Variants in HS6ST3 observed in about 807,000 individuals in gnomAD.
HS6ST3 encodes heparan sulfate 6-O-sulfotransferase 3, also known as heparan-sulfate 6-O-sulfotransferase 3.
Under a neutral mutation model 36.7 loss-of-function variants are expected in HS6ST3, and 12 were observed. The ratio of observed to expected loss-of-function variants is 0.33; its 90% CI spans 0.21 to 0.53. The LOEUF (loss-of-function observed/expected upper bound fraction) is 0.53. HS6ST3 is among the 20% of genes least tolerant of loss of function. HS6ST3 has a pLI of 0.95. For synonymous variants in HS6ST3, 240 were observed against 257.5 expected, an observed-to-expected ratio of 0.93 and a Z score of 0.65; for missense variants, 584 against 640.9, an observed-to-expected ratio of 0.91 and a Z score of 0.96.
At chr13:96,275,070 C>T (rs900751899) in intron 1 of HS6ST3, among the ~76,000 whole-genome samples, 2 of 152,058 alleles carry the variant, frequency 1.3e-5, no homozygotes, top group African/African-American at 2.4e-5. Context: ...AAACCTCCTC[C>T]CAACAAGGTT....
intron 1 of HS6ST3, among the ~76,000 whole-genome samples, chr13:96,525,854 G>T (rs1286342071): frequency 6.6e-6 from 1 of 152,208 alleles, no homozygotes; most frequent in African/African-American, 2.4e-5. Flanking sequence ...TGACAAAGCA[G>T]TTAAAGACAC....
In HS6ST3 at chr13:96,254,448, AATATATATATATAT is replaced by A. The variant is rs869064004; in HGVS notation, c.707+162917_707+162930del. Among the ~76,000 whole-genome samples, 117 of 16,492 alleles carry A rather than the reference AATATATATATATAT, an allele frequency of 7.1e-3. 3 individuals are homozygous for A. The highest frequency in any genetic ancestry group is 0.02 in the African/African-American group (90 of 4,588). 10.8% of individuals were successfully genotyped at this position (16,492 alleles called of 152,430 possible). The stretch of plus-strand genomic sequence containing the variant: ...AAAAAAAAAAAAAAAAAAAAAAAAA[AATATATATATATAT>A]ATATATATATATATATATATATATA... On this transcript the variant is annotated intron_variant, in intron 1 of 1. Transcript: ENST00000376705.
At chr13:96,292,053 T>C (rs1029404650) in intron 1 of HS6ST3, among the ~76,000 whole-genome samples, 4 of 152,254 alleles carry the variant, frequency 2.6e-5, no homozygotes, top group Admixed American at 1.3e-4. Flanking sequence ...GGTAAATAGC[T>C]AAGAGAGGTT....
In HS6ST3 at chr13:96,577,493, A is replaced by G. The variant is rs545634765; in HGVS notation, c.708-254997A>G. Among the ~76,000 whole-genome samples the G allele has an allele frequency of 2.6e-5, 4 of 152,334 alleles. No individual in the cohort carries two copies. In the East Asian group the frequency reaches 7.7e-4, roughly 29 times the overall value. On this transcript the variant is annotated intron_variant, in intron 1 of 1. Transcript: ENST00000376705. ...TAAACATATGTGTGCATGTGTCTTT[A>G]TAGTAGAATGATTTATAATCCTTTG...
At chr13:96,253,274 G>A (rs772623802) in intron 1 of HS6ST3, among the ~76,000 whole-genome samples, 11 of 152,046 alleles carry the variant, frequency 7.2e-5, no homozygotes, top group East Asian at 1.9e-4. Flanking sequence ...AGGTGATTCC[G>A]CTGTGCTGAC....
At chr13:96,718,443 T>G (rs1875757779) in intron 1 of HS6ST3, among the ~76,000 whole-genome samples, 1 of 152,162 alleles carries the variant, frequency 6.6e-6, no homozygotes. Flanking sequence ...CTTTTCAGTA[T>G]GAATCAAGAT....
chr13:96,408,272 A>G (rs1348108622), intron 1 of HS6ST3, among the ~76,000 whole-genome samples: 5 of 152,160 alleles, frequency 3.3e-5, no homozygotes, highest in South Asian at 2.1e-4. Context: ...GGAAAGTATG[A>G]TCAATTCCCC....
chr13:96,766,405 T>G (rs1213915032), intron 1 of HS6ST3, among the ~76,000 whole-genome samples: 10 of 152,206 alleles, frequency 6.6e-5, no homozygotes, highest in Admixed American at 6.5e-4. Flanking sequence ...GCTAGGAAGA[T>G]TCTTAGCTGT....
intron 1 of HS6ST3, among the ~76,000 whole-genome samples, chr13:96,792,366 A>G (rs1877811208): frequency 1.3e-5 from 2 of 151,862 alleles, no homozygotes; most frequent in Non-Finnish European, 2.9e-5. Context: ...GAAAAAAACT[A>G]AATTTTGAGT....
intron 1 of HS6ST3, among the ~76,000 whole-genome samples, chr13:96,129,158 A>C (rs546234604): frequency 3.6e-4 from 55 of 152,308 alleles, no homozygotes; most frequent in Middle Eastern, 6.8e-3. Context: ...GCTCCCCTTA[A>C]GAGCAATTCT....
In HS6ST3 at chr13:96,743,098, G is replaced by C. The variant is rs117761119; in HGVS notation, c.708-89392G>C. ...CTTATTTTTCATGTAGCAACAGTAA[G>C]GAATATGAGCTCTCCAAGAAGATCA... On this transcript the variant is annotated intron_variant, in intron 1 of 1. Transcript: ENST00000376705. 5.5e-4 allele frequency among the ~76,000 whole-genome samples: 83 copies of C among 152,140 alleles called. No individual in the cohort carries two copies. The East Asian group carries it at 0.014, about 26-fold the overall frequency.
chr13:96,767,439 A>T (rs1437241916), intron 1 of HS6ST3, among the ~76,000 whole-genome samples: 1 of 152,220 alleles, frequency 6.6e-6, no homozygotes, highest in East Asian at 1.9e-4. Context: ...AGTGTGTGAT[A>T]TTGAAGTTAT....
intron 1 of HS6ST3, among the ~76,000 whole-genome samples, chr13:96,393,114 C>T (rs746573963): frequency 6.6e-6 from 1 of 152,152 alleles, no homozygotes; most frequent in Non-Finnish European, 1.5e-5. Context: ...TTCTCTCTTG[C>T]CTGCTGCCAT....
At position 96,402,947 on chromosome 13, in the gene HS6ST3, G is replaced by A. The variant is rs377179389; in HGVS notation, c.707+311378G>A. Among the ~76,000 whole-genome samples the A allele has an allele frequency of 6.0e-4, 91 of 152,278 alleles. 1 individual carries two copies. Among genetic ancestry groups the A allele is most frequent in the Admixed American group, 2.6e-3 (40 of 15,294 alleles). ...AACACCTAGGAGTAGAATCACTGGCGTGTAGGATAGCTTTGAAAGAAACAG... is the reference window on the plus strand; with the variant it reads ...AACACCTAGGAGTAGAATCACTGGCATGTAGGATAGCTTTGAAAGAAACAG... On this transcript the variant is annotated intron_variant, in intron 1 of 1. Transcript: ENST00000376705.
intron 1 of HS6ST3, among the ~76,000 whole-genome samples, chr13:96,418,127 A>G (rs866216971): frequency 3.3e-5 from 5 of 152,160 alleles, no homozygotes; most frequent in South Asian, 2.1e-4. Flanking sequence ...GCTTGAGACC[A>G]TTTTAGATAG....
At chr13:96,646,725 T>C (rs981774975) in intron 1 of HS6ST3, among the ~76,000 whole-genome samples, 7 of 151,988 alleles carry the variant, frequency 4.6e-5, no homozygotes, top group Admixed American at 1.3e-4. Flanking sequence ...GTCTCCGTAT[T>C]GTTCTCATTT....
intron 1 of HS6ST3, among the ~76,000 whole-genome samples, chr13:96,479,991 C>G (rs77625440): frequency 6.6e-6 from 1 of 152,112 alleles, no homozygotes; most frequent in Non-Finnish European, 1.5e-5. Flanking sequence ...AGTGGGCCCA[C>G]TCAGTGACAG....
At chr13:96,272,914 G>T (rs552205075) in intron 1 of HS6ST3, among the ~76,000 whole-genome samples, 4 of 152,044 alleles carry the variant, frequency 2.6e-5, no homozygotes, top group African/African-American at 9.7e-5. Flanking sequence ...CTGCAGGAGG[G>T]ATCATGTCTT....
chr13:96,271,854 T>G (rs1409309597), intron 1 of HS6ST3, among the ~76,000 whole-genome samples: 2 of 151,942 alleles, frequency 1.3e-5, no homozygotes, highest in African/African-American at 4.8e-5. Context: ...ACTGACACCA[T>G]ATGGGATGGG....
Sources: gnomAD v4.1 joint callset for allele counts (sites outside exome capture counted in the v4.1 genomes callset) on GRCh38, gnomAD v4.1.1 for gene constraint, MANE v1.5 for transcripts, NCBI Gene and HGNC (gene_info 2026-07-23, HGNC 2026-07-21) for gene names.